Variants in KDM6B observed in about 807,000 individuals in gnomAD.
KDM6B encodes the protein lysine demethylase 6B.
In KDM6B, 22 loss-of-function variants were observed where a neutral mutation model predicts 150.4. The ratio of observed to expected loss-of-function variants is 0.15; its 90% confidence interval spans 0.10 to 0.21. KDM6B has a LOEUF of 0.21. KDM6B is among the 10% of genes least tolerant of loss of function. The pLI is 1.00. For missense variants in KDM6B, 1,984 were observed against 2,234.3 expected, an observed-to-expected ratio of 0.89 and a Z score of 2.26; for synonymous variants, 1,148 against 921.1, an observed-to-expected ratio of 1.25 and a Z score of -4.46.
Position 7,845,872 on chromosome 17 carries a change from A to G in KDM6B, c.138A>G (p.Arg46=), listed in dbSNP as rs763262499. The G allele has an allele frequency of 3.7e-6, 6 of 1,613,294 alleles. No homozygotes were observed. The Admixed American group carries it at 1.0e-4, about 27-fold the overall frequency. Residue 46 remains arginine (R), a splice_region_variant and synonymous_variant, in exon 6 of 24, where the codon AGA becomes AGG. Transcript: ENST00000448097. ...PPRSAWLPGG[R]CSASIGQPPL... is the part of the protein sequence containing the mutation. ...TATAACAGACTCCTTCTCTCTCCAG[A>G]TGCTCAGCCAGCATTGGGCAGCCCC...
Position 7,848,940 on chromosome 17 carries a change from G to C in KDM6B, c.2652G>C (p.Ala884=). ...GGCCCTGGGCCCGGGAGCGCAGGGCGGGCGAAGAGCCAGTCCCGGGCCCCA... is the reference window on the plus strand; with the variant it reads ...GGCCCTGGGCCCGGGAGCGCAGGGCCGGCGAAGAGCCAGTCCCGGGCCCCA... ...SGGPWARERR[A]GEEPVPGPMT... The change falls in exon 12 of 24, where the codon GCG becomes GCC. Residue 884 remains alanine (A), a synonymous_variant. Coordinates refer to ENST00000448097, the MANE Select transcript of KDM6B (RefSeq NM_001348716.2). 6.3e-7 allele frequency: 1 copy of C among 1,596,072 alleles called. No homozygotes were observed. The highest frequency in any genetic ancestry group is 8.5e-7 in the Non-Finnish European group (1 of 1,170,722).
rs1318377325 is a variant in KDM6B, at chr17:7,845,937, C to T, written c.203C>T (p.Ser68Phe). 2 of 1,613,966 alleles carry T rather than the reference C, an allele frequency of 1.2e-6. No individual in the cohort carries two copies. The highest frequency in any genetic ancestry group is 1.7e-6 in the Non-Finnish European group (2 of 1,179,938). Residue 68 changes from serine to phenylalanine, a missense_variant, in exon 6 of 24, where the codon TCT (serine) becomes TTT (phenylalanine). Transcript: ENST00000448097. Reference sequence around the variant, plus strand: ...CTACCCCCTTCACATGGCAGTAGTTCTGGGCACCCCAGCAAACCATATTAT... The same window carrying T: ...CTACCCCCTTCACATGGCAGTAGTTTTGGGCACCCCAGCAAACCATATTAT... ...APLPPSHGSS[S>F]GHPSKPYYAP...
At chr17:7,852,687 C>T (rs766718444) in intron 21 of KDM6B, 51 bp downstream of exon 21, 14 of 1,609,916 alleles carry the variant, frequency 8.7e-6, no homozygotes, top group East Asian at 2.2e-5. Context: ...GGTCCCTTTT[C>T]TTGTTCTTCC....
Position 7,851,181 on chromosome 17 carries a change from C to G in KDM6B, c.3834C>G (p.Ala1278=). ...GCTCCCGTTCCCACACCACCATTGC[C>G]AAGTACGCACAGTACCAGGCCTCAT... ...CESSRSHTTI[A]KYAQYQASSF... is the part of the protein sequence containing the mutation. The change falls in exon 15 of 24, where the codon GCC becomes GCG. Residue 1278 remains alanine (A), a synonymous_variant. Transcript: ENST00000448097. 1.2e-6 allele frequency: 2 copies of G among 1,614,056 alleles called. No individual in the cohort carries two copies. Among genetic ancestry groups the G allele is most frequent in the Non-Finnish European group, 1.7e-6 (2 of 1,180,050 alleles).
In KDM6B at chr17:7,849,851, G is replaced by A; in HGVS notation, c.3471G>A (p.Glu1157=). Reference sequence around the variant, plus strand: ...CCAAGGTGAAAGGGAAGTTTCGAGAGTCCTACCTTTCCCCTGCCCAGTCTG... The same window carrying A: ...CCAAGGTGAAAGGGAAGTTTCGAGAATCCTACCTTTCCCCTGCCCAGTCTG... ...RNAKVKGKFR[E]SYLSPAQSVK... The change falls in exon 13 of 24, where the codon GAG becomes GAA. Residue 1157 remains glutamate, a synonymous_variant. Coordinates refer to ENST00000448097, the MANE Select transcript of KDM6B (RefSeq NM_001348716.2). The A allele has an allele frequency of 6.2e-7, 1 of 1,613,218 alleles. No individual in the cohort carries two copies. The highest frequency in any genetic ancestry group is 1.7e-5 in the Admixed American group (1 of 60,014).
At chr17:7,835,780 C>G (rs1245897178) in intron 1 of KDM6B, among the ~76,000 whole-genome samples, 1 of 151,790 alleles carries the variant, frequency 6.6e-6, no homozygotes, top group Non-Finnish European at 1.5e-5. Context: ...GCCCGAGCAC[C>G]CCCTTGCGCC....
chr17:7,842,738 C>T (rs1446396124), intron 2 of KDM6B, among the ~76,000 whole-genome samples: 2 of 152,040 alleles, frequency 1.3e-5, no homozygotes, highest in Non-Finnish European at 2.9e-5. Flanking sequence ...GTGTCTGCCT[C>T]TGACTGTGTG....
In KDM6B at chr17:7,847,288, G is replaced by C; in HGVS notation, c.1093G>C (p.Val365Leu). The change falls in exon 11 of 24, where the codon GTT (valine) becomes CTT (leucine). Residue 365 changes from valine (V) to leucine (L), a missense_variant. Physicochemically the swap from Val to Leu is conservative, Grantham distance 32. Around this residue, in one of 13 missense-constraint regions of KDM6B, gnomAD observed 1,379 missense variants for 1,275.6 expected, o/e 1.08. Transcript: ENST00000448097. ...CGGAAGTGACCTTAGAGAGAGCAGAGTTCAGAGGTCGCGGATGGACTCCAG... is the reference window on the plus strand; with the variant it reads ...CGGAAGTGACCTTAGAGAGAGCAGACTTCAGAGGTCGCGGATGGACTCCAG... Reference protein sequence around the residue: ...PPGSDLRESRVQRSRMDSSVS... With the variant: ...PPGSDLRESRLQRSRMDSSVS... The C allele has an allele frequency of 6.2e-7, 1 of 1,605,712 alleles. No homozygotes were observed. The highest frequency in any genetic ancestry group is 8.5e-7 in the Non-Finnish European group (1 of 1,179,852).
Position 7,847,830 on chromosome 17 carries a change from T to TCCCC in KDM6B, c.1542_1543insCCCC (p.Ala515ProfsTer41). On this transcript the variant is annotated frameshift_variant, in exon 12 of 24. Transcript: ENST00000448097. LOFTEE classifies it high-confidence loss of function. The stretch of plus-strand genomic sequence containing the variant: ...TTGGGACTGAGGGACCCCCCCGCCC[T>TCCCC]GCCCCACCACCCCTCCCCCATCGCG... 2.4e-6 allele frequency: 1 copy of TCCCC among 414,616 alleles called. No individual in the cohort carries two copies. The highest frequency in any genetic ancestry group is 3.4e-6 in the Non-Finnish European group (1 of 292,988). The allele number at this position is 414,616 out of a possible 1,614,324, so 25.7% of individuals were successfully genotyped here. A position where few individuals can be genotyped will look rare whatever the true frequency, so the allele number is the denominator to read the frequency against.
chr17:7,834,962 C>T (rs1231365723), intron 1 of KDM6B, among the ~76,000 whole-genome samples: 1 of 152,106 alleles, frequency 6.6e-6, no homozygotes, highest in East Asian at 1.9e-4. Context: ...TTCCCGAACC[C>T]TAGCGCGCCC....
At position 7,851,401 on chromosome 17, in the gene KDM6B, T is replaced by C. The variant is rs2078691274; in HGVS notation, c.3944+7T>C. 6.2e-7 allele frequency: 1 copy of C among 1,614,170 alleles called. No individual in the cohort carries two copies. ...CCACTGGAACCCCTCCTAGGTACTG[T>C]GCAGGTGTGCCCCTTCTGTTCCTGC... On this transcript the variant is annotated splice_region_variant and intron_variant, in intron 16 of 23. Transcript: ENST00000448097.
Position 7,845,408 on chromosome 17 carries a change from C to A in KDM6B, c.-54C>A. 1.0e-6 allele frequency: 1 copy of A among 974,888 alleles called. No individual in the cohort carries two copies. Among genetic ancestry groups the A allele is most frequent in the Non-Finnish European group, 1.7e-6 (1 of 605,970 alleles). 60.4% of individuals were successfully genotyped at this position (974,888 alleles called of 1,614,324 possible). On this transcript the variant is annotated 5_prime_UTR_variant, in exon 4 of 24. Coordinates refer to ENST00000448097, the MANE Select transcript of KDM6B (RefSeq NM_001348716.2). ...GGACCATCGTCCCAGAGAGCTGGGGCAGGGGGCCGTGCCCAATCTCCAGGG... is the reference window on the plus strand; with the variant it reads ...GGACCATCGTCCCAGAGAGCTGGGGAAGGGGGCCGTGCCCAATCTCCAGGG...
chr17:7,834,413 C>T (rs1478884751), intron 1 of KDM6B, among the ~76,000 whole-genome samples, 63 bp downstream of exon 1: 2 of 152,068 alleles, frequency 1.3e-5, no homozygotes, highest in Non-Finnish European at 2.9e-5. Context: ...CAGGGCAGGA[C>T]GCCTGAGTCT....
At chr17:7,845,512 G>C in intron 4 of KDM6B, 38 bp from the exon 5 acceptor site, 10 of 1,613,580 alleles carry the variant, frequency 6.2e-6, no homozygotes, top group Non-Finnish European at 5.9e-6. Flanking sequence ...CTCTGGTTTT[G>C]CCTCCAGTAA....
chr17:7,837,874 T>C (rs2078354989), intron 1 of KDM6B, among the ~76,000 whole-genome samples: 1 of 152,040 alleles, frequency 6.6e-6, no homozygotes, highest in Non-Finnish European at 1.5e-5. Context: ...TAGGAGTTTG[T>C]TAAGGGGTAG....
intron 21 of KDM6B, 86 bp from the exon 22 acceptor site, chr17:7,852,914 G>A: frequency 6.3e-7 from 1 of 1,581,272 alleles, no homozygotes; most frequent in Non-Finnish European, 8.7e-7. Context: ...AGGGCCCTGG[G>A]GCTGCCCACC....
chr17:7,840,708 T>C (rs189120160), intron 2 of KDM6B: 14 of 152,362 alleles, frequency 9.2e-5, no homozygotes, highest in Admixed American at 6.5e-4. Context: ...TCATTACATA[T>C]GGGGTTTCTC....
At position 7,849,858 on chromosome 17, in the gene KDM6B, C is replaced by G; in HGVS notation, c.3478C>G (p.Leu1160Val). The G allele has an allele frequency of 6.2e-7, 1 of 1,613,318 alleles. No homozygotes were observed. The highest frequency in any genetic ancestry group is 8.5e-7 in the Non-Finnish European group (1 of 1,180,012). Residue 1160 changes from leucine to valine, a missense_variant, in exon 13 of 24, where the codon CTT becomes GTT. Transcript: ENST00000448097. ...GAAAGGGAAGTTTCGAGAGTCCTAC[C>G]TTTCCCCTGCCCAGTCTGTGAAACC... ...KVKGKFRESY[L>V]SPAQSVKPKI... is the part of the protein sequence containing the mutation.
rs560906513 is a variant in KDM6B, at chr17:7,847,234, C to T, written c.1039C>T (p.His347Tyr). The T allele has an allele frequency of 5.6e-6, 9 of 1,601,694 alleles. No individual in the cohort carries two copies. Among genetic ancestry groups the T allele is most frequent in the Admixed American group, 1.7e-5 (1 of 59,978 alleles). Residue 347 changes from histidine (H) to tyrosine (Y), a missense_variant, in exon 11 of 24, where the codon CAT becomes TAT. Transcript: ENST00000448097. Reference sequence around the variant, plus strand: ...CCCCCGCCCCCCAGGAGCAGAGAGCCATGGCTGCCTGCCTGCCACCCGTCC... The same window carrying T: ...CCCCCGCCCCCCAGGAGCAGAGAGCTATGGCTGCCTGCCTGCCACCCGTCC... ...PGPRPPGAESHGCLPATRPPG... is the reference protein window; with the variant it reads ...PGPRPPGAESYGCLPATRPPG...
Sources: allele counts gnomAD v4.1 joint callset (sites outside exome capture counted in the v4.1 genomes callset), GRCh38; gene constraint gnomAD v4.1.1; regional missense constraint gnomAD v4.1.1; transcripts MANE v1.5; gene names NCBI Gene and HGNC (gene_info 2026-07-23, HGNC 2026-07-21).